The following PROK1 variants were observed in gnomAD, a reference collection of about 807,000 sequenced individuals.
The protein encoded by PROK1 is prokineticin-1.
A neutral mutation model predicts 8.8 loss-of-function variants in PROK1; 10 were observed. The observed-to-expected ratio is 1.13, with a 90% CI of 0.70 to 1.92. The LOEUF (loss-of-function observed/expected upper bound fraction) is 1.92, where lower values mean the gene tolerates loss of function less well. Among genes scored for constraint, PROK1 ranks in the 30% most tolerant of loss-of-function variants. PROK1 has a pLI of 0.00. For synonymous variants in PROK1, 57 were observed against 56.0 expected (o/e 1.02, Z -0.08); for missense variants, 140 against 139.7 (o/e 1.00, Z -0.01).
Position 110,456,512 on chromosome 1 carries a change from C to T in PROK1, c.*161C>T, listed in dbSNP as rs957924955. The T allele has an allele frequency of 2.2e-6, 2 of 896,760 alleles. No homozygotes were observed. The highest frequency in any genetic ancestry group is 2.6e-5 in the East Asian group (1 of 37,856). 55.6% of individuals were successfully genotyped at this position (896,760 alleles called of 1,614,324 possible). A position where few individuals can be genotyped will look rare whatever the true frequency, so the allele number is the denominator to read the frequency against. On this transcript the variant is annotated 3_prime_UTR_variant, in exon 3 of 3. Coordinates refer to ENST00000271331, the MANE Select transcript of PROK1 (RefSeq NM_032414.3). ...CACATATGCACACAGGCAGACATAC[C>T]TCCCATCATGACATGGTCCCCAGGC...
intron 1 of PROK1, among the ~76,000 whole-genome samples, chr1:110,452,548 C>T (rs948809301): frequency 2.6e-5 from 4 of 152,156 alleles, no homozygotes; most frequent in African/African-American, 7.2e-5. Flanking sequence ...AGCACTGGCC[C>T]AGAGTGACAG....
rs779040857 is a variant in PROK1 at position 110,456,250 on chromosome 1, C to G, written c.217C>G (p.Arg73Gly). 1 of 1,613,374 alleles carries G rather than the reference C, an allele frequency of 6.2e-7. No individual in the cohort carries two copies. Among genetic ancestry groups the G allele is most frequent in the African/African-American group, 1.3e-5 (1 of 74,878 alleles). The change falls in exon 3 of 3, where the codon CGC becomes GGC. Residue 73 changes from arginine (R) to glycine (G), a missense_variant. Coordinates refer to ENST00000271331, the MANE Select transcript of PROK1 (RefSeq NM_032414.3). ...GSHKVPFFRK[R>G]KHHTCPCLPN... ...TCCTTAGGTCCCCTTCTTCAGGAAA[C>G]GCAAGCACCACACCTGTCCTTGCTT... is the stretch of plus-strand genomic sequence containing the variant.
intron 2 of PROK1, among the ~76,000 whole-genome samples, chr1:110,454,449 T>A (rs1163125788): frequency 6.6e-6 from 1 of 152,244 alleles, no homozygotes; most frequent in Non-Finnish European, 1.5e-5. Flanking sequence ...GATCTTTATT[T>A]GATCCTCACT....
At chr1:110,451,762 T>C (rs4839392) in intron 1 of PROK1, among the ~76,000 whole-genome samples, 13,870 of 152,254 alleles carry the variant, frequency 0.091, 1,064 homozygotes, top group East Asian at 0.28. Context: ...TATAAACTTC[T>C]ATTGTATAAA....
intron 2 of PROK1, 49 bp from the exon 3 acceptor site, chr1:110,456,183 G>A: frequency 6.2e-7 from 1 of 1,602,848 alleles, no homozygotes; most frequent in Middle Eastern, 1.7e-4. Context: ...GCTGCCAGGA[G>A]GCCCACCTAC....
intron 1 of PROK1, among the ~76,000 whole-genome samples, chr1:110,452,386 G>C (rs1176274484): frequency 6.6e-6 from 1 of 152,246 alleles, no homozygotes; most frequent in East Asian, 1.9e-4. Context: ...ACCTAATGAA[G>C]TGTTTACACT....
chr1:110,456,399 C>G lies in PROK1; in HGVS notation c.*48C>G, dbSNP rs769489772. The G allele has an allele frequency of 1.2e-6, 2 of 1,610,500 alleles. No homozygotes were observed. The highest frequency in any genetic ancestry group is 1.7e-6 in the Non-Finnish European group (2 of 1,179,318). On this transcript the variant is annotated 3_prime_UTR_variant, in exon 3 of 3. Transcript: ENST00000271331. ...CCCACCATCCTTTTCCTGAGCACAG[C>G]CTGGATTTTTATTTCTGCCATGAAA...
intron 2 of PROK1, among the ~76,000 whole-genome samples, chr1:110,455,374 G>A (rs573761915): frequency 1.3e-3 from 202 of 152,308 alleles, no homozygotes; most frequent in African/African-American, 4.7e-3. Context: ...CTCTAGGCAC[G>A]GAGCGTCCTC....
Position 110,456,426 on chromosome 1 carries a change from C to A in PROK1, c.*75C>A. The A allele has an allele frequency of 6.3e-7, 1 of 1,587,336 alleles. No homozygotes were observed. Among genetic ancestry groups the A allele is most frequent in the Non-Finnish European group, 8.6e-7 (1 of 1,163,800 alleles). ...TGGATTTTTATTTCTGCCATGAAAC[C>A]CAGCTCCCATGACTCTCCCAGTCCC... On this transcript the variant is annotated 3_prime_UTR_variant, in exon 3 of 3. Transcript: ENST00000271331.
chr1:110,455,556 A>C (rs1435434313), intron 2 of PROK1, among the ~76,000 whole-genome samples: 1 of 152,240 alleles, frequency 6.6e-6, no homozygotes, highest in Non-Finnish European at 1.5e-5. Flanking sequence ...GTGATAAAAA[A>C]ACTAATGCTG....
chr1:110,454,120 T>C, intron 2 of PROK1, 34 bp downstream of exon 2: 1 of 1,609,098 alleles, frequency 6.2e-7, no homozygotes, highest in Non-Finnish European at 8.5e-7. Flanking sequence ...TGCACATATG[T>C]GGGTGGGCCA....
intron 2 of PROK1, 123 bp from the exon 3 acceptor site, chr1:110,456,109 C>A: frequency 1.0e-6 from 1 of 1,001,540 alleles, no homozygotes; most frequent in South Asian, 1.3e-5. Flanking sequence ...GTGCTAGGTG[C>A]AGTGGAGAAG....
At chr1:110,451,703 G>A (rs1664090644) in intron 1 of PROK1, among the ~76,000 whole-genome samples, 1 of 152,174 alleles carries the variant, frequency 6.6e-6, no homozygotes, top group East Asian at 1.9e-4. Flanking sequence ...AATTTACATA[G>A]CATGTTGACT....
chr1:110,452,618 G>A (rs1664105864), intron 1 of PROK1, among the ~76,000 whole-genome samples: 1 of 152,192 alleles, frequency 6.6e-6, no homozygotes, highest in African/African-American at 2.4e-5. Flanking sequence ...GCACAATAGA[G>A]AGCACTTTTC....
Position 110,456,740 on chromosome 1 carries a change from G to A in PROK1, c.*389G>A, listed in dbSNP as rs1011068323. The A allele has an allele frequency of 5.9e-5, 20 of 339,146 alleles. No individual in the cohort carries two copies. The highest frequency in any genetic ancestry group is 2.5e-4 in the South Asian group (10 of 40,118). The allele number at this position is 339,146 out of a possible 1,614,324, so 21.0% of individuals were successfully genotyped here. A position where few individuals can be genotyped will look rare whatever the true frequency, so the allele number is the denominator to read the frequency against. ...CTGAATTAGACATTCCTGGGCACAGGCTCTTGGGTGCATTGCTCAGAGTCC... is the reference window on the plus strand; with the variant it reads ...CTGAATTAGACATTCCTGGGCACAGACTCTTGGGTGCATTGCTCAGAGTCC... On this transcript the variant is annotated 3_prime_UTR_variant, in exon 3 of 3. Coordinates refer to ENST00000271331, the MANE Select transcript of PROK1 (RefSeq NM_032414.3).
At chr1:110,455,367 T>C (rs1664155970) in intron 2 of PROK1, among the ~76,000 whole-genome samples, 1 of 152,328 alleles carries the variant, frequency 6.6e-6, no homozygotes, top group East Asian at 1.9e-4. Context: ...TGCTCATCTC[T>C]AGGCACGGAG....
Position 110,456,451 on chromosome 1 carries a change from C to A in PROK1, c.*100C>A. 1 of 1,402,140 alleles carries A rather than the reference C, an allele frequency of 7.1e-7. No homozygotes were observed. The highest frequency in any genetic ancestry group is 1.0e-6 in the Non-Finnish European group (1 of 1,002,174). 86.9% of individuals were successfully genotyped at this position (1,402,140 alleles called of 1,614,324 possible). On this transcript the variant is annotated 3_prime_UTR_variant, in exon 3 of 3. Coordinates refer to ENST00000271331, the MANE Select transcript of PROK1 (RefSeq NM_032414.3). ...CCAGCTCCCATGACTCTCCCAGTCCCTACACTGACTACCCTGATCTCTCTT... is the reference window on the plus strand; with the variant it reads ...CCAGCTCCCATGACTCTCCCAGTCCATACACTGACTACCCTGATCTCTCTT...
At position 110,453,951 on chromosome 1, in the gene PROK1, C is replaced by T. The variant is rs536227805; in HGVS notation, c.73-10C>T. 2.5e-6 allele frequency: 4 copies of T among 1,614,214 alleles called. No homozygotes were observed. The highest frequency in any genetic ancestry group is 3.4e-6 in the Non-Finnish European group (4 of 1,180,016). On this transcript the variant is annotated splice_polypyrimidine_tract_variant and intron_variant, in intron 1 of 2. Transcript: ENST00000271331. ...CTAATGAACTGTTCCCTTCTCTCTCCCTCCTACAGGCCTGTGAGCGGGATG... is the reference window on the plus strand; with the variant it reads ...CTAATGAACTGTTCCCTTCTCTCTCTCTCCTACAGGCCTGTGAGCGGGATG...
At position 110,456,487 on chromosome 1, in the gene PROK1, C is replaced by A; in HGVS notation, c.*136C>A. 3 of 1,052,476 alleles carry A rather than the reference C, an allele frequency of 2.9e-6. No homozygotes were observed. The highest frequency in any genetic ancestry group is 1.3e-5 in the South Asian group (1 of 75,858). The allele number at this position is 1,052,476 out of a possible 1,614,324, so 65.2% of individuals were successfully genotyped here. ...ACCCTGATCTCTCTTGTCTAGTACG[C>A]ACATATGCACACAGGCAGACATACC... On this transcript the variant is annotated 3_prime_UTR_variant, in exon 3 of 3. Coordinates refer to ENST00000271331, the MANE Select transcript of PROK1 (RefSeq NM_032414.3).
Sources: allele counts gnomAD v4.1 joint callset (sites outside exome capture counted in the v4.1 genomes callset), GRCh38; gene constraint gnomAD v4.1.1; transcripts MANE v1.5; gene names NCBI Gene and HGNC (gene_info 2026-07-23, HGNC 2026-07-21).